Variants in SAMMSON observed in about 807,000 individuals in gnomAD.
SAMMSON encodes survival associated mitochondrial melanoma specific oncogenic non-coding RNA.
chr3:70,237,273 C>A (rs1701619214), intron 4 of SAMMSON, among the ~76,000 whole-genome samples: 1 of 152,192 alleles, frequency 6.6e-6, no homozygotes, highest in South Asian at 2.1e-4. Flanking sequence ...GCATCATATT[C>A]TCCAGTGCGG....
chr3:70,262,462 A>T (rs1180139492), intron 6 of SAMMSON, among the ~76,000 whole-genome samples: 2 of 152,226 alleles, frequency 1.3e-5, no homozygotes, highest in East Asian at 3.9e-4. Flanking sequence ...AAGACCAGTT[A>T]TAGTAAATGC....
chr3:70,287,995 C>G (rs1702186140), intron 6 of SAMMSON, among the ~76,000 whole-genome samples: 1 of 151,848 alleles, frequency 6.6e-6, no homozygotes, highest in Admixed American at 6.6e-5. Context: ...TTTGTTGATC[C>G]TTTCAAAAAA....
chr3:70,161,178 T>C (rs567090700), intron 4 of SAMMSON, among the ~76,000 whole-genome samples: 136 of 152,010 alleles, frequency 8.9e-4, no homozygotes, highest in Non-Finnish European at 1.1e-3. Context: ...CTTCTTCCTA[T>C]CTAATTGCAC....
intron 4 of SAMMSON, among the ~76,000 whole-genome samples, chr3:70,102,538 C>G (rs2106655204): frequency 6.6e-6 from 1 of 152,294 alleles, no homozygotes; most frequent in South Asian, 2.1e-4. Flanking sequence ...GTTCAGGCCA[C>G]TTCTTTCCCA....
chr3:70,137,974 G>T (rs554105613), intron 4 of SAMMSON, among the ~76,000 whole-genome samples: 1 of 152,092 alleles, frequency 6.6e-6, no homozygotes, highest in Non-Finnish European at 1.5e-5. Context: ...ATGTTGTTCT[G>T]AGTTGCTATT....
intron 4 of SAMMSON, among the ~76,000 whole-genome samples, chr3:70,246,230 T>A (rs1051272276): frequency 6.6e-6 from 1 of 152,038 alleles, no homozygotes; most frequent in Non-Finnish European, 1.5e-5. Context: ...GATATTTTTA[T>A]CTCCTTAGAA....
chr3:70,081,360 A>G (rs1247318902), intron 4 of SAMMSON, among the ~76,000 whole-genome samples: 1 of 152,128 alleles, frequency 6.6e-6, no homozygotes, highest in African/African-American at 2.4e-5. Context: ...TGATCAGCCC[A>G]TGTAGGCCTC....
At chr3:70,422,423 T>C (rs1223456060) in intron 2 of SAMMSON, among the ~76,000 whole-genome samples, 1 of 152,068 alleles carries the variant, frequency 6.6e-6, no homozygotes, top group Non-Finnish European at 1.5e-5. Context: ...ACGTATTACT[T>C]GTCTCTGATT....
intron 3 of SAMMSON, among the ~76,000 whole-genome samples, chr3:70,067,728 G>A (rs2067215192): frequency 6.6e-6 from 1 of 152,020 alleles, no homozygotes; most frequent in South Asian, 2.1e-4. Context: ...TGCCTGTACT[G>A]GAAAAGGAGG....
At chr3:70,337,933 ATATTT>A (rs558917748) in intron 7 of SAMMSON, among the ~76,000 whole-genome samples, 177 of 151,906 alleles carry the variant, frequency 1.2e-3, no homozygotes, top group African/African-American at 3.7e-3. Flanking sequence ...TTTATTTGAA[ATATTT>A]TAATTTACAG....
At chr3:70,018,494 G>A (rs997745945) in intron 3 of SAMMSON, among the ~76,000 whole-genome samples, 3 of 152,024 alleles carry the variant, frequency 2.0e-5, no homozygotes, top group Non-Finnish European at 2.9e-5. Flanking sequence ...AGTCTTGCTA[G>A]CAGTCTATCA....
At chr3:70,050,575 G>C (rs2067142297) in intron 3 of SAMMSON, among the ~76,000 whole-genome samples, 1 of 152,104 alleles carries the variant, frequency 6.6e-6, no homozygotes, top group South Asian at 2.1e-4. Context: ...TTGACACATA[G>C]GCAATTAGAA....
chr3:70,079,739 G>T (rs1407673938), intron 4 of SAMMSON, among the ~76,000 whole-genome samples: 1 of 152,084 alleles, frequency 6.6e-6, no homozygotes, highest in East Asian at 1.9e-4. Flanking sequence ...CTTATGGGGG[G>T]TTTATCAAGA....
intron 4 of SAMMSON, among the ~76,000 whole-genome samples, chr3:70,236,321 T>TC (rs1347437170): frequency 6.6e-6 from 1 of 152,156 alleles, no homozygotes; most frequent in African/African-American, 2.4e-5. Context: ...AATGATTATC[T>TC]CCCCTTAATC....
At chr3:70,034,039 T>C (rs1213906441) in intron 3 of SAMMSON, among the ~76,000 whole-genome samples, 8 of 151,802 alleles carry the variant, frequency 5.3e-5, no homozygotes, top group Admixed American at 5.3e-4. Flanking sequence ...GGAGAAAAAA[T>C]GGAGCTAGAG....
At chr3:70,366,898 GT>G (rs1702925047) in intron 9 of SAMMSON, among the ~76,000 whole-genome samples, 1 of 151,256 alleles carries the variant, frequency 6.6e-6, no homozygotes, top group Non-Finnish European at 1.5e-5. Context: ...TCTTTTCATT[GT>G]TTTAATTTGC....
intron 4 of SAMMSON, among the ~76,000 whole-genome samples, chr3:70,123,127 C>G (rs2067442071): frequency 6.6e-6 from 1 of 152,218 alleles, no homozygotes; most frequent in African/African-American, 2.4e-5. Flanking sequence ...TACCCACAGA[C>G]TTCTCATTCA....
chr3:70,192,628 C>T (rs1192798511), intron 4 of SAMMSON, among the ~76,000 whole-genome samples: 1 of 152,188 alleles, frequency 6.6e-6, no homozygotes, highest in Admixed American at 6.5e-5. Context: ...TTGACTCCTT[C>T]TCAAAACGTG....
chr3:70,075,271 A>C (rs1181225869), intron 4 of SAMMSON: 1 of 152,150 alleles, frequency 6.6e-6, no homozygotes, highest in Non-Finnish European at 1.5e-5. Flanking sequence ...AGCAGTCGGC[A>C]TGTAGGTGTA....
Sources: gnomAD v4.1 joint callset for allele counts (sites outside exome capture counted in the v4.1 genomes callset) on GRCh38, gnomAD v4.1.1 for gene constraint, MANE v1.5 for transcripts, NCBI Gene and HGNC (gene_info 2026-07-23, HGNC 2026-07-21) for gene names.